The following AGAP1 variants were observed in gnomAD, a reference collection of about 807,000 sequenced individuals.
The protein encoded by AGAP1 is arf-GAP with GTPase, ANK repeat and PH domain-containing protein 1.
In AGAP1, 29 loss-of-function variants were observed where a neutral mutation model predicts 105.3. That is an observed-to-expected ratio of 0.28 (90% CI 0.21 to 0.38). AGAP1 has a LOEUF of 0.38. AGAP1 is among the 10% of genes least tolerant of loss of function. AGAP1 has a pLI of 1.00. For synonymous variants in AGAP1, 509 were observed against 485.9 expected, an observed-to-expected ratio of 1.05 and a Z score of -0.63; for missense variants, 998 against 1,165.1, an observed-to-expected ratio of 0.86 and a Z score of 2.09.
intron 1 of AGAP1, among the ~76,000 whole-genome samples, chr2:235,519,117 G>C (rs1158527190): frequency 6.6e-6 from 1 of 152,188 alleles, no homozygotes; most frequent in Non-Finnish European, 1.5e-5. Flanking sequence ...CTGTTGCCCA[G>C]GGTGGAGTAC....
chr2:235,529,704 A>G (rs1942978492), intron 1 of AGAP1, among the ~76,000 whole-genome samples: 1 of 152,218 alleles, frequency 6.6e-6, no homozygotes, highest in Non-Finnish European at 1.5e-5. Flanking sequence ...ACATTTGTCT[A>G]CATGTGAATC....
chr2:235,994,378 T>G lies in AGAP1; in HGVS notation c.1645+25755T>G, dbSNP rs1426277266. On this transcript the variant is annotated intron_variant, in intron 13 of 17. Coordinates refer to ENST00000304032, the MANE Select transcript of AGAP1 (RefSeq NM_001037131.3). The surrounding 1 kb of genome is among the most constrained non-coding windows in gnomAD (Gnocchi z 4.4). ...AATAGTTGATGAAGATAACATAGTT[T>G]ATAACGCACACCTCAAAATTCATTT... Among the ~76,000 whole-genome samples the G allele has an allele frequency of 6.6e-6, 1 of 152,222 alleles. No individual in the cohort carries two copies. The highest frequency in any genetic ancestry group is 2.4e-5 in the African/African-American group (1 of 41,468).
chr2:235,745,827 T>C (rs1006576907), intron 5 of AGAP1, among the ~76,000 whole-genome samples: 5 of 152,188 alleles, frequency 3.3e-5, no homozygotes, highest in African/African-American at 1.2e-4. Flanking sequence ...TAGTGTGGCA[T>C]AAACCACAAA....
chr2:236,116,367 T>TTTTTTTTTTTTTTGG (rs1553578895), intron 16 of AGAP1, among the ~76,000 whole-genome samples: 1 of 150,420 alleles, frequency 6.6e-6, no homozygotes, highest in African/African-American at 2.4e-5. Flanking sequence ...CTTTTTTTTT[T>TTTTTTTTTTTTTTGG]GAGAGAGAGT....
chr2:236,078,317 T>G lies in AGAP1; in HGVS notation c.2114+29036T>G, dbSNP rs1201902262. On this transcript the variant is annotated intron_variant, in intron 16 of 17. Transcript: ENST00000304032. The surrounding 1 kb of genome is among the most constrained non-coding windows in gnomAD (Gnocchi z 5.3). ...TTTTGCTCTTTGGGCTCTCACCTGA[T>G]GGGATGAGGCCCACCTGCTTTCTCA... 6.6e-6 allele frequency among the ~76,000 whole-genome samples: 1 copy of G among 152,164 alleles called. No homozygotes were observed. The highest frequency in any genetic ancestry group is 1.5e-5 in the Non-Finnish European group (1 of 68,036).
In AGAP1 at chr2:236,046,132, A is replaced by G; in HGVS notation, c.1892-2927A>G. 2.4e-6 allele frequency: 1 copy of G among 423,408 alleles called. No homozygotes were observed. The highest frequency in any genetic ancestry group is 5.4e-4 in the Middle Eastern group (1 of 1,862). 26.2% of individuals were successfully genotyped at this position (423,408 alleles called of 1,614,324 possible). On this transcript the variant is annotated intron_variant, in intron 15 of 17. Coordinates refer to ENST00000304032, the MANE Select transcript of AGAP1 (RefSeq NM_001037131.3). The surrounding 1 kb of genome is among the most constrained non-coding windows in gnomAD (Gnocchi z 5.2). ...GGAGGGCGGTGGGGTGGGCATAGGA[A>G]CCAAATCGGAGGTTCTGGTAAGAGC...
chr2:235,709,268 T>C, intron 2 of AGAP1, 31 bp downstream of exon 2: 1 of 1,610,240 alleles, frequency 6.2e-7, no homozygotes, highest in Non-Finnish European at 8.5e-7. Flanking sequence ...CTGGCACCTG[T>C]GGGAAGGGAG....
At chr2:235,775,261 G>A (rs569497803) in intron 6 of AGAP1, among the ~76,000 whole-genome samples, 1 of 152,240 alleles carries the variant, frequency 6.6e-6, no homozygotes, top group African/African-American at 2.4e-5. Flanking sequence ...TTTGTCATGG[G>A]GTGTGTCACC....
rs924095311 is a variant in AGAP1 at position 236,080,045 on chromosome 2, G to A, written c.2114+30764G>A. On this transcript the variant is annotated intron_variant, in intron 16 of 17. Coordinates refer to ENST00000304032, the MANE Select transcript of AGAP1 (RefSeq NM_001037131.3). This position sits in a 1 kb window ranked among gnomAD's most constrained non-coding sequence, Gnocchi z 4.2. Reference sequence around the variant, plus strand: ...TTCCCAGGTCCCAGTGCCCATAGCTGTGATGTAGTCAGGGCCCCATGGCAT... The same window carrying A: ...TTCCCAGGTCCCAGTGCCCATAGCTATGATGTAGTCAGGGCCCCATGGCAT... Among the ~76,000 whole-genome samples, 1 of 152,220 alleles carries A rather than the reference G, an allele frequency of 6.6e-6. No homozygotes were observed.
chr2:235,917,325 T>C (rs1004682705), intron 11 of AGAP1, among the ~76,000 whole-genome samples: 5 of 152,052 alleles, frequency 3.3e-5, no homozygotes, highest in Admixed American at 3.3e-4. Context: ...CATGCTGTTT[T>C]CTCCACACTT....
At chr2:235,575,938 G>GA (rs1026212806) in intron 1 of AGAP1, among the ~76,000 whole-genome samples, 2 of 152,018 alleles carry the variant, frequency 1.3e-5, no homozygotes, top group Admixed American at 6.5e-5. Flanking sequence ...AAGATGATGT[G>GA]AAAAAAAAGT....
chr2:235,898,468 AG>A (rs2050911227), intron 10 of AGAP1, among the ~76,000 whole-genome samples: 2 of 137,042 alleles, frequency 1.5e-5, no homozygotes, highest in South Asian at 6.2e-4. Context: ...TGCAGAGGAC[AG>A]GTTCCCCCCC....
chr2:236,073,849 C>T lies in AGAP1; in HGVS notation c.2114+24568C>T, dbSNP rs1454162836. ...TTTAGAATCTGCAGGAGACCTGCAG[C>T]CCCCCACCAGACCCCCAGAATCACA... is the stretch of plus-strand genomic sequence containing the variant. On this transcript the variant is annotated intron_variant, in intron 16 of 17. Transcript: ENST00000304032. The surrounding 1 kb of genome is among the most constrained non-coding windows in gnomAD (Gnocchi z 5.4). Among the ~76,000 whole-genome samples the T allele has an allele frequency of 1.3e-5, 2 of 152,094 alleles. No individual in the cohort carries two copies. Among genetic ancestry groups the T allele is most frequent in the Admixed American group, 1.3e-4 (2 of 15,268 alleles).
chr2:235,888,291 C>T lies in AGAP1; in HGVS notation c.1155+4842C>T, dbSNP rs191807778. Among the ~76,000 whole-genome samples, 13 of 152,146 alleles carry T rather than the reference C, an allele frequency of 8.5e-5. No individual in the cohort carries two copies. Among genetic ancestry groups the T allele is most frequent in the Admixed American group, 2.0e-4 (3 of 15,282 alleles). ...GGTGGAATCGAGGGTCTTTACCACC[C>T]TTGTCTTTCTCCCTCTGTGACACAG... On this transcript the variant is annotated intron_variant, in intron 10 of 17. Coordinates refer to ENST00000304032, the MANE Select transcript of AGAP1 (RefSeq NM_001037131.3). This position sits in a 1 kb window ranked among gnomAD's most constrained non-coding sequence, Gnocchi z 4.8.
chr2:235,634,148 C>T (rs1055026236), intron 1 of AGAP1, among the ~76,000 whole-genome samples: 22 of 152,154 alleles, frequency 1.4e-4, no homozygotes, highest in African/African-American at 4.6e-4. Flanking sequence ...CTTGATTTTC[C>T]CACAATTAAT....
rs899323163 is a variant in AGAP1, at chr2:235,642,582, C to T, written c.164-66597C>T. 6.6e-6 allele frequency among the ~76,000 whole-genome samples: 1 copy of T among 152,162 alleles called. No individual in the cohort carries two copies. The highest frequency in any genetic ancestry group is 1.5e-5 in the Non-Finnish European group (1 of 68,034). ...GTCGGGACCATCATCCACCAGGGGCCAGCTGTCCAGAGGCAGACCCACCCT... is the reference window on the plus strand; with the variant it reads ...GTCGGGACCATCATCCACCAGGGGCTAGCTGTCCAGAGGCAGACCCACCCT... On this transcript the variant is annotated intron_variant, in intron 1 of 17. Coordinates refer to ENST00000304032, the MANE Select transcript of AGAP1 (RefSeq NM_001037131.3). This position sits in a 1 kb window ranked among gnomAD's most constrained non-coding sequence, Gnocchi z 4.1.
chr2:235,613,269 T>C lies in AGAP1; in HGVS notation c.164-95910T>C, dbSNP rs528949410. 7.9e-5 allele frequency among the ~76,000 whole-genome samples: 12 copies of C among 152,342 alleles called. No individual in the cohort carries two copies. The South Asian group carries it at 2.5e-3, about 32-fold the overall frequency. ...CCTCGGCTTCCAAAAGTGCTGGGAT[T>C]ACAGGCCTGTGCCACTGCACCCGGC... On this transcript the variant is annotated intron_variant, in intron 1 of 17. Transcript: ENST00000304032.
intron 10 of AGAP1, among the ~76,000 whole-genome samples, chr2:235,896,352 A>G (rs1315265051): frequency 5.9e-5 from 9 of 152,240 alleles, no homozygotes; most frequent in African/African-American, 1.2e-4. Context: ...ATGGATGGAC[A>G]CTTGCTTTCA....
At position 236,005,019 on chromosome 2, in the gene AGAP1, CTTTG is replaced by C. The variant is rs1253328073; in HGVS notation, c.1646-31538_1646-31535del. On this transcript the variant is annotated intron_variant, in intron 13 of 17. Coordinates refer to ENST00000304032, the MANE Select transcript of AGAP1 (RefSeq NM_001037131.3). This position sits in a 1 kb window ranked among gnomAD's most constrained non-coding sequence, Gnocchi z 4.1. Reference sequence around the variant, plus strand: ...TGCTTATTAGAGTGTATTTGATAGACTTTGTTTTCTAGGAAAGCTTTAGACTTTT... The same window carrying C: ...TGCTTATTAGAGTGTATTTGATAGACTTTTCTAGGAAAGCTTTAGACTTTT... Among the ~76,000 whole-genome samples, 1 of 152,130 alleles carries C rather than the reference CTTTG, an allele frequency of 6.6e-6. No individual in the cohort carries two copies. The highest frequency in any genetic ancestry group is 2.4e-5 in the African/African-American group (1 of 41,426).
Sources: gnomAD v4.1 joint callset for allele counts (sites outside exome capture counted in the v4.1 genomes callset) on GRCh38, gnomAD v4.1.1 for gene constraint, Gnocchi (gnomAD v3.1) non-coding constraint, MANE v1.5 for transcripts, NCBI Gene and HGNC (gene_info 2026-07-23, HGNC 2026-07-21) for gene names.